Variants in FRMD4A observed in about 807,000 individuals in gnomAD.
FRMD4A encodes FERM domain containing 4A, also known as FERM domain-containing protein 4A.
Under a neutral mutation model 129.1 loss-of-function variants are expected in FRMD4A, and 29 were observed. The observed-to-expected ratio is 0.22, with a 90% CI of 0.17 to 0.31. The LOEUF is 0.31. FRMD4A is among the 10% of genes least tolerant of loss of function. FRMD4A has a pLI of 1.00. For synonymous variants in FRMD4A, 634 were observed against 571.6 expected (o/e 1.11, Z -1.56); for missense variants, 1,272 against 1,375.8 (o/e 0.92, Z 1.19).
chr10:14,208,926 G>A (rs1390631183), intron 2 of FRMD4A, among the ~76,000 whole-genome samples: 2 of 152,190 alleles, frequency 1.3e-5, no homozygotes, highest in Non-Finnish European at 2.9e-5. Flanking sequence ...GTGGTCTTCA[G>A]TATTTAACAG....
intron 2 of FRMD4A, among the ~76,000 whole-genome samples, chr10:14,003,181 T>C (rs1453754139): frequency 6.6e-6 from 1 of 152,108 alleles, no homozygotes; most frequent in African/African-American, 2.4e-5. Context: ...GGTGGCGGGC[T>C]GCACCACGGA....
chr10:13,758,042 C>A (rs2091932947), intron 8 of FRMD4A, among the ~76,000 whole-genome samples: 1 of 152,234 alleles, frequency 6.6e-6, no homozygotes, highest in South Asian at 2.1e-4. Context: ...CCACACCCAG[C>A]CCTTGACTTC....
chr10:14,019,630 C>T (rs761369556), intron 2 of FRMD4A, among the ~76,000 whole-genome samples: 1 of 152,044 alleles, frequency 6.6e-6, no homozygotes, highest in Non-Finnish European at 1.5e-5. Flanking sequence ...ATGAATATTG[C>T]CATGTACACA....
chr10:13,999,617 G>A (rs2095634628), intron 2 of FRMD4A, among the ~76,000 whole-genome samples: 1 of 152,238 alleles, frequency 6.6e-6, no homozygotes, highest in Admixed American at 6.5e-5. Context: ...GAAGCCTATA[G>A]CGTTTTTGAG....
intron 3 of FRMD4A, among the ~76,000 whole-genome samples, chr10:13,832,871 C>T (rs1281846019): frequency 6.6e-6 from 1 of 152,130 alleles, no homozygotes; most frequent in East Asian, 1.9e-4. Flanking sequence ...AACTCCTAGC[C>T]TCAAGCAATC....
intron 2 of FRMD4A, among the ~76,000 whole-genome samples, chr10:13,957,308 C>T (rs183642722): frequency 2.0e-5 from 3 of 152,282 alleles, no homozygotes; most frequent in Admixed American, 2.0e-4. Context: ...GACTGGAGTG[C>T]AGTGGTGCAA....
intron 2 of FRMD4A, among the ~76,000 whole-genome samples, chr10:14,323,224 T>C (rs1404547895): frequency 6.6e-6 from 1 of 152,224 alleles, no homozygotes. Flanking sequence ...AAGAGTTGCA[T>C]GAGATGAATT....
intron 2 of FRMD4A, among the ~76,000 whole-genome samples, chr10:13,869,283 T>C (rs979743828): frequency 8.5e-5 from 13 of 152,158 alleles, no homozygotes; most frequent in Admixed American, 3.9e-4. Context: ...CCCAGGCAGG[T>C]AAGAGGCTGG....
chr10:13,743,548 A>T (rs1361750033), intron 9 of FRMD4A, among the ~76,000 whole-genome samples: 4 of 152,146 alleles, frequency 2.6e-5, no homozygotes, highest in Non-Finnish European at 5.9e-5. Context: ...CTCAGGAGAA[A>T]CACCAGTGAA....
At chr10:13,761,713 A>G (rs1312893282) in intron 7 of FRMD4A, 44 bp from the exon 8 acceptor site, 3 of 1,391,924 alleles carry the variant, frequency 2.2e-6, no homozygotes, top group East Asian at 4.6e-5. Flanking sequence ...CACTAAGCCA[A>G]TGTTAGAGAC....
intron 2 of FRMD4A, among the ~76,000 whole-genome samples, chr10:13,929,164 G>T (rs2095167279): frequency 6.6e-6 from 1 of 152,172 alleles, no homozygotes; most frequent in Non-Finnish European, 1.5e-5. Context: ...TTTAAATTAA[G>T]CTGCCACTTG....
chr10:14,197,640 C>T (rs570589437), intron 2 of FRMD4A, among the ~76,000 whole-genome samples: 135 of 152,310 alleles, frequency 8.9e-4, no homozygotes, highest in African/African-American at 3.1e-3. Flanking sequence ...GGATTACAGG[C>T]GTGAGCCACC....
At chr10:13,809,979 G>A (rs1030839805) in intron 4 of FRMD4A, among the ~76,000 whole-genome samples, 9 of 152,144 alleles carry the variant, frequency 5.9e-5, no homozygotes, top group Non-Finnish European at 1.2e-4. Context: ...GATTCCCAGG[G>A]CCTCGGCTCC....
intron 2 of FRMD4A, among the ~76,000 whole-genome samples, chr10:14,049,679 AC>A (rs1834166588): frequency 6.6e-6 from 1 of 152,094 alleles, no homozygotes; most frequent in African/African-American, 2.4e-5. Flanking sequence ...CCATGGCAAA[AC>A]CCTGTCTCTA....
intron 15 of FRMD4A, chr10:13,685,086 C>T (rs1243670855): frequency 2.0e-6 from 2 of 984,668 alleles, no homozygotes; most frequent in Non-Finnish European, 2.4e-6. Flanking sequence ...TGCCACATTG[C>T]AGACTGCAGG....
Position 13,821,735 on chromosome 10 carries a change from C to T in FRMD4A, c.112-10827G>A, listed in dbSNP as rs17154071. On this transcript the variant is annotated intron_variant, in intron 3 of 24. Coordinates refer to ENST00000357447, the MANE Select transcript of FRMD4A (RefSeq NM_018027.5). This position sits in a 1 kb window ranked among gnomAD's most constrained non-coding sequence, Gnocchi z 4.3. ...CAGCGAATCAGTGGGAGAACTGAACCGCGGCACACAGGTGGGCATGGGTCA... is the reference window on the plus strand; with the variant it reads ...CAGCGAATCAGTGGGAGAACTGAACTGCGGCACACAGGTGGGCATGGGTCA... Among the ~76,000 whole-genome samples, 9,964 of 152,198 alleles carry T rather than the reference C, an allele frequency of 0.065. 512 individuals carry two copies. Among genetic ancestry groups the T allele is most frequent in the Admixed American group, 0.16 (2,410 of 15,282 alleles).
At chr10:14,275,469 G>A (rs1845305582) in intron 2 of FRMD4A, among the ~76,000 whole-genome samples, 1 of 152,196 alleles carries the variant, frequency 6.6e-6, no homozygotes, top group Non-Finnish European at 1.5e-5. Context: ...CACATGGTTG[G>A]TGGCTATCTG....
intron 2 of FRMD4A, among the ~76,000 whole-genome samples, chr10:14,082,625 C>T (rs1461315): frequency 0.029 from 4,486 of 152,168 alleles, 227 homozygotes; most frequent in African/African-American, 0.1. Flanking sequence ...AGTTGAGTGA[C>T]GAAAAGGCAC....
intron 2 of FRMD4A, among the ~76,000 whole-genome samples, chr10:14,215,062 T>C (rs1301342903): frequency 3.3e-5 from 5 of 152,190 alleles, no homozygotes; most frequent in Admixed American, 3.3e-4. Flanking sequence ...TATACAGTTT[T>C]AAAACACCAA....
Sources: allele counts gnomAD v4.1 joint callset (sites outside exome capture counted in the v4.1 genomes callset), GRCh38; gene constraint gnomAD v4.1.1; non-coding constraint Gnocchi (gnomAD v3.1); transcripts MANE v1.5; gene names NCBI Gene and HGNC (gene_info 2026-07-23, HGNC 2026-07-21).